Variants in ZNF33B observed in about 807,000 individuals in gnomAD.
ZNF33B encodes zinc finger protein 11b (KOX 2).
In ZNF33B, 29 loss-of-function variants were observed where a neutral mutation model predicts 45.8. The ratio of observed to expected loss-of-function variants is 0.63; its 90% CI spans 0.47 to 0.86. The LOEUF (loss-of-function observed/expected upper bound fraction) is 0.86. ZNF33B is among the 40% of genes least tolerant of loss of function. ZNF33B has a pLI of 0.00. For missense variants in ZNF33B, 831 were observed against 909.9 expected, an observed-to-expected ratio of 0.91 and a Z score of 1.12; for synonymous variants, 305 against 307.8, an observed-to-expected ratio of 0.99 and a Z score of 0.10.
At chr10:42,637,095 A>C (rs1839340453) in intron 1 of ZNF33B, 123 bp from the exon 2 acceptor site, 2 of 878,400 alleles carry the variant, frequency 2.3e-6, no homozygotes, top group Admixed American at 2.4e-5. Context: ...GGAGAATATC[A>C]ATGTCCTCTG....
chr10:42,638,351 T>G (rs1839439393), intron 1 of ZNF33B, 123 bp downstream of exon 1: 1 of 315,324 alleles, frequency 3.2e-6, no homozygotes, highest in Non-Finnish European at 6.2e-6. Context: ...AGCCCCGCCG[T>G]CCCCGGCTTC....
rs1463253729 is a variant in ZNF33B at position 42,593,638 on chromosome 10, G to T, written c.1312C>A (p.Gln438Lys). The T allele has an allele frequency of 1.9e-6, 3 of 1,613,694 alleles. No homozygotes were observed. Among genetic ancestry groups the T allele is most frequent in the Middle Eastern group, 1.7e-4 (1 of 6,054 alleles). The change falls in exon 5 of 5, where the codon CAG becomes AAG. Residue 438 changes from glutamine (Q) to lysine (K), a missense_variant. Coordinates refer to ENST00000359467, the MANE Select transcript of ZNF33B (RefSeq NM_006955.3). ...CATTCATAACATTCATAGGGTTTCT[G>T]CCCTGTGTGTGTTCTCTGATGTTTA... is the stretch of plus-strand genomic sequence containing the variant. ...LTKHQRTHTGQKPYECYECGK... is the reference protein window; with the variant it reads ...LTKHQRTHTGKKPYECYECGK...
intron 4 of ZNF33B, among the ~76,000 whole-genome samples, chr10:42,629,614 G>A (rs1238770833): frequency 6.6e-6 from 1 of 151,716 alleles, no homozygotes; most frequent in Admixed American, 6.7e-5. Flanking sequence ...TTTAGATCAT[G>A]TTTTATGTTT....
At chr10:42,597,683 G>A (rs1346014583) in intron 4 of ZNF33B, among the ~76,000 whole-genome samples, 1 of 152,042 alleles carries the variant, frequency 6.6e-6, no homozygotes, top group African/African-American at 2.4e-5. Context: ...TTTATACATT[G>A]TGACAATATG....
Position 42,594,593 on chromosome 10 carries a change from A to T in ZNF33B, c.357T>A (p.Gly119=). Residue 119 remains glycine, a synonymous_variant, in exon 5 of 5, where the codon GGT becomes GGA. Transcript: ENST00000359467. ...INNEMLTKEQ[G]NVIGIPFNMD... ...TGTTAAATGGTATTCCTATTACATT[A>T]CCTTGTTCCTTAGTCAGCATTTCAT... The T allele has an allele frequency of 6.2e-7, 1 of 1,612,010 alleles. No individual in the cohort carries two copies.
rs528014067 is a variant in ZNF33B, at chr10:42,594,361, T to C, written c.589A>G (p.Arg197Gly). ...TTCTCACGATGACTCAGAGTGTTCC[T>C]ATTTTTCAAAACTTCATTTTTCTCT... ...TREKNEVLKN[R>G]NTLSHRENTL... Residue 197 changes from arginine to glycine, a missense_variant, in exon 5 of 5, where the codon AGG (arginine) becomes GGG (glycine). By Grantham distance (125) the Arg-to-Gly change is moderately radical. Coordinates refer to ENST00000359467, the MANE Select transcript of ZNF33B (RefSeq NM_006955.3). 12 of 1,613,796 alleles carry C rather than the reference T, an allele frequency of 7.4e-6. No homozygotes were observed. Among genetic ancestry groups the C allele is most frequent in the Middle Eastern group, 1.6e-4 (1 of 6,080 alleles).
chr10:42,596,827 T>C (rs1223437328), intron 4 of ZNF33B, among the ~76,000 whole-genome samples: 2 of 152,064 alleles, frequency 1.3e-5, no homozygotes, highest in Non-Finnish European at 2.9e-5. Flanking sequence ...TTTTCCCATA[T>C]CTTGGGAGAC....
intron 1 of ZNF33B, among the ~76,000 whole-genome samples, chr10:42,576,027 A>T (rs1011592302): frequency 1.3e-5 from 2 of 151,924 alleles, no homozygotes; most frequent in African/African-American, 4.8e-5. Context: ...AGTAGCTGGG[A>T]TTACAGGTGC....
At position 42,627,106 on chromosome 10, in the gene ZNF33B, C is replaced by T. The variant is rs184145705; in HGVS notation, c.250+4823G>A. Among the ~76,000 whole-genome samples, 126 of 152,080 alleles carry T rather than the reference C, an allele frequency of 8.3e-4. 1 individual carries two copies. The Middle Eastern group carries it at 0.024, about 29-fold the overall frequency. On this transcript the variant is annotated intron_variant, in intron 4 of 4. Coordinates refer to ENST00000359467, the MANE Select transcript of ZNF33B (RefSeq NM_006955.3). ...CAACCTCCCACTCCCTGGGTTCAAGCCATTCTCCTGCCTCAGCCTCCTGAG... is the reference window on the plus strand; with the variant it reads ...CAACCTCCCACTCCCTGGGTTCAAGTCATTCTCCTGCCTCAGCCTCCTGAG...
At chr10:42,617,092 CTTTTTTTTTTTTTTTTT>C (rs199977911) in intron 4 of ZNF33B, among the ~76,000 whole-genome samples, 2 of 61,208 alleles carry the variant, frequency 3.3e-5, no homozygotes, top group South Asian at 1.5e-3. Flanking sequence ...CATTTTTTCT[CTTTTTTTTTTTTTTTTT>C]TTTTTTTTTT....
intron 4 of ZNF33B, among the ~76,000 whole-genome samples, chr10:42,623,829 T>C (rs1838691273): frequency 6.6e-6 from 1 of 152,262 alleles, no homozygotes; most frequent in African/African-American, 2.4e-5. Flanking sequence ...TTTCATGTTA[T>C]ATATATTTTA....
At chr10:42,611,827 CTA>C (rs1393658529) in intron 4 of ZNF33B, among the ~76,000 whole-genome samples, 7 of 152,298 alleles carry the variant, frequency 4.6e-5, no homozygotes, top group African/African-American at 1.7e-4. Context: ...TCCAACTTGG[CTA>C]TAAAGACTTA....
chr10:42,579,651 A>C (rs1836797273), intron 1 of ZNF33B: 2 of 152,666 alleles, frequency 1.3e-5, no homozygotes, highest in Non-Finnish European at 1.5e-5. Flanking sequence ...TCTGCATCAC[A>C]GATGTGAATC....
intron 4 of ZNF33B, among the ~76,000 whole-genome samples, chr10:42,601,108 A>C (rs1430760993): frequency 1.3e-5 from 2 of 152,198 alleles, no homozygotes; most frequent in Non-Finnish European, 1.5e-5. Context: ...AACCAAAAAT[A>C]ATGTTCTACT....
intron 4 of ZNF33B, among the ~76,000 whole-genome samples, chr10:42,624,059 T>G (rs1227891409): frequency 6.6e-6 from 1 of 152,220 alleles, no homozygotes; most frequent in Non-Finnish European, 1.5e-5. Context: ...CAGGGCCTGG[T>G]GAGGGCCTCT....
At position 42,593,565 on chromosome 10, in the gene ZNF33B, G is replaced by A. The variant is rs757113166; in HGVS notation, c.1385C>T (p.Thr462Ile). 1.2e-6 allele frequency: 2 copies of A among 1,613,980 alleles called. No individual in the cohort carries two copies. Among genetic ancestry groups the A allele is most frequent in the East Asian group, 2.2e-5 (1 of 44,854 alleles). Residue 462 changes from threonine to isoleucine, a missense_variant, in exon 5 of 5, where the codon ACT becomes ATT. Thr to Ile is a moderately conservative substitution (Grantham distance 89). Transcript: ENST00000359467. ...MNSHLTVHQR[T>I]HTGEKPFECL... ...TTCAAAAGGTTTCTCACCTGTGTGAGTTCTCTGGTGTACTGTAAGGTGTGA... is the reference window on the plus strand; with the variant it reads ...TTCAAAAGGTTTCTCACCTGTGTGAATTCTCTGGTGTACTGTAAGGTGTGA...
At chr10:42,637,889 G>A (rs545531362) in intron 1 of ZNF33B, among the ~76,000 whole-genome samples, 2 of 152,262 alleles carry the variant, frequency 1.3e-5, no homozygotes, top group Non-Finnish European at 2.9e-5. Flanking sequence ...CTGACCTCAG[G>A]TGATCCACCC....
chr10:42,631,893 C>T (rs1457067569), intron 4 of ZNF33B, 36 bp downstream of exon 4: 1 of 1,561,320 alleles, frequency 6.4e-7, no homozygotes, highest in Admixed American at 1.7e-5. Context: ...ACAACAAATC[C>T]CCTGATGTGA....
intron 4 of ZNF33B, among the ~76,000 whole-genome samples, chr10:42,631,363 G>A (rs553630940): frequency 2.6e-4 from 39 of 152,072 alleles, no homozygotes; most frequent in Non-Finnish European, 5.0e-4. Context: ...CTGCCACCAC[G>A]CCCAGCTAAT....
Sources: gnomAD v4.1 joint callset for allele counts (sites outside exome capture counted in the v4.1 genomes callset) on GRCh38, gnomAD v4.1.1 for gene constraint, MANE v1.5 for transcripts, NCBI Gene and HGNC (gene_info 2026-07-23, HGNC 2026-07-21) for gene names.